Variants in SEMA5B observed in about 807,000 individuals in gnomAD.
SEMA5B encodes semaphorin 5B.
Under a neutral mutation model 135.0 loss-of-function variants are expected in SEMA5B, and 66 were observed. The observed-to-expected ratio is 0.49, with a 90% CI of 0.40 to 0.60. SEMA5B has a LOEUF of 0.60. Among genes scored for constraint, SEMA5B ranks in the 20% least tolerant of loss-of-function variants. SEMA5B has a pLI of 0.00. For synonymous variants in SEMA5B, 690 were observed against 639.5 expected (o/e 1.08, Z -1.19); for missense variants, 1,501 against 1,566.3 (o/e 0.96, Z 0.70).
chr3:123,013,363 G>C (rs2107801283), intron 1 of SEMA5B, among the ~76,000 whole-genome samples: 1 of 152,308 alleles, frequency 6.6e-6, no homozygotes, highest in South Asian at 2.1e-4. Flanking sequence ...CTGGGCTCCA[G>C]CTCGCTAGTC....
At chr3:122,999,736 T>A (rs1177517228) in intron 1 of SEMA5B, among the ~76,000 whole-genome samples, 1 of 152,142 alleles carries the variant, frequency 6.6e-6, no homozygotes, top group East Asian at 1.9e-4. Context: ...ACTGCCAGCA[T>A]CTGGTTCCAC....
At chr3:122,931,897 G>T (rs1051360348) in intron 5 of SEMA5B, among the ~76,000 whole-genome samples, 2 of 152,176 alleles carry the variant, frequency 1.3e-5, no homozygotes, top group East Asian at 3.8e-4. Flanking sequence ...GGACTGAAAC[G>T]TCGAGGGGTT....
rs533753731 is a variant in SEMA5B, at chr3:122,930,727, A to G, written c.475-1669T>C. ...TCAACAGTGGGACAGGCACTGTGCCAGGGACTTGACACACTTTTTCTCTTT... is the reference window on the plus strand; with the variant it reads ...TCAACAGTGGGACAGGCACTGTGCCGGGGACTTGACACACTTTTTCTCTTT... On this transcript the variant is annotated intron_variant, in intron 5 of 22. Transcript: ENST00000357599. Among the ~76,000 whole-genome samples the G allele has an allele frequency of 1.4e-4, 22 of 152,364 alleles. No homozygotes were observed. The East Asian group carries it at 4.2e-3, about 29-fold the overall frequency.
chr3:122,911,475 GT>G lies in SEMA5B; in HGVS notation c.3091+15del. 1 of 1,603,354 alleles carries G rather than the reference GT, an allele frequency of 6.2e-7. No homozygotes were observed. The highest frequency in any genetic ancestry group is 1.7e-4 in the Middle Eastern group (1 of 6,038). ...CTGGGAGGACCGCAGCATGAGGTAG[GT>G]CCGGTTTCTTTTACCTGCACAGTCG... On this transcript the variant is annotated intron_variant, in intron 21 of 22. Coordinates refer to ENST00000357599, the MANE Select transcript of SEMA5B (RefSeq NM_001031702.4).
At chr3:123,002,130 C>G (rs2107761610) in intron 1 of SEMA5B, among the ~76,000 whole-genome samples, 1 of 152,290 alleles carries the variant, frequency 6.6e-6, no homozygotes, top group Non-Finnish European at 1.5e-5. Context: ...CCGGAAAACA[C>G]AAATGAGTGA....
In SEMA5B at chr3:122,932,243, A is replaced by T. The variant is rs1285785611; in HGVS notation, c.475-3185T>A. ...GGTCTTACACATCCCTCTCAATATG[A>T]TTTTTTTTTTTTTTTTTTTTTTTTT... On this transcript the variant is annotated intron_variant, in intron 5 of 22. Transcript: ENST00000357599. 1.6e-3 allele frequency among the ~76,000 whole-genome samples: 133 copies of T among 85,332 alleles called. 1 individual carries two copies. Among genetic ancestry groups the T allele is most frequent in the Admixed American group, 2.4e-3 (16 of 6,740 alleles). The allele number at this position is 85,332 out of a possible 152,430, so 56.0% of individuals were successfully genotyped here.
intron 1 of SEMA5B, among the ~76,000 whole-genome samples, chr3:122,966,651 T>C (rs942922315): frequency 2.7e-5 from 4 of 150,322 alleles, no homozygotes; most frequent in African/African-American, 9.7e-5. Flanking sequence ...GCCTCCTGGG[T>C]TCACGCCATT....
At chr3:122,920,054 C>T (rs1938270967) in intron 12 of SEMA5B, among the ~76,000 whole-genome samples, 1 of 152,234 alleles carries the variant, frequency 6.6e-6, no homozygotes, top group African/African-American at 2.4e-5. Flanking sequence ...ACTAGGCCAC[C>T]TGGACCATCC....
At chr3:123,002,121 C>T (rs1282214734) in intron 1 of SEMA5B, among the ~76,000 whole-genome samples, 1 of 152,070 alleles carries the variant, frequency 6.6e-6, no homozygotes, top group East Asian at 1.9e-4. Flanking sequence ...ACCCAAGTGC[C>T]GGAAAACACA....
At chr3:122,950,761 A>C (rs1203419950) in intron 2 of SEMA5B, among the ~76,000 whole-genome samples, 2 of 152,248 alleles carry the variant, frequency 1.3e-5, no homozygotes, top group Non-Finnish European at 2.9e-5. Context: ...GCACCTGCAC[A>C]TGTGCAAAGT....
intron 1 of SEMA5B, among the ~76,000 whole-genome samples, chr3:123,001,150 G>A (rs1322009963): frequency 6.6e-6 from 1 of 152,194 alleles, no homozygotes; most frequent in African/African-American, 2.4e-5. Flanking sequence ...GCTGTGGGAA[G>A]AGACCATAAA....
At chr3:123,006,781 T>TC (rs1413010114) in intron 1 of SEMA5B, among the ~76,000 whole-genome samples, 5 of 151,470 alleles carry the variant, frequency 3.3e-5, no homozygotes, top group Non-Finnish European at 7.4e-5. Flanking sequence ...CTTACCACCC[T>TC]CCCCCCATCT....
In SEMA5B at chr3:123,025,944, C is replaced by T. The variant is rs1023644995; in HGVS notation, c.-39+1520G>A. ...GGTCCAGTTACAAGGTTCAAGTTCC[C>T]CTCTTGCCCCTTCCTCAAGGTCATC... is the stretch of plus-strand genomic sequence containing the variant. On this transcript the variant is annotated intron_variant, in intron 1 of 22. Transcript: ENST00000357599. Among the ~76,000 whole-genome samples, 10 of 152,300 alleles carry T rather than the reference C, an allele frequency of 6.6e-5. 3 individuals are homozygous for T. The highest frequency in any genetic ancestry group is 5.9e-4 in the Admixed American group (9 of 15,304).
At chr3:123,025,949 T>A (rs1283771909) in intron 1 of SEMA5B, among the ~76,000 whole-genome samples, 1 of 152,192 alleles carries the variant, frequency 6.6e-6, no homozygotes, top group East Asian at 1.9e-4. Flanking sequence ...GTTCCCCTCT[T>A]GCCCCTTCCT....
rs944282349 is a variant in SEMA5B, at chr3:122,949,045, T to G, written c.125-336A>C. Among the ~76,000 whole-genome samples, 43 of 152,298 alleles carry G rather than the reference T, an allele frequency of 2.8e-4. No individual in the cohort carries two copies. The East Asian group carries it at 8.1e-3, about 29-fold the overall frequency. On this transcript the variant is annotated intron_variant, in intron 2 of 22. Transcript: ENST00000357599. ...AGGCCATGGGTAGCTATTTGTAAAA[T>G]GATAAATCTGGATCCATAACTCATA...
intron 1 of SEMA5B, among the ~76,000 whole-genome samples, chr3:123,000,877 G>A (rs74887795): frequency 7.1e-4 from 108 of 152,312 alleles, no homozygotes; most frequent in African/African-American, 2.5e-3. Flanking sequence ...AGACACCTGC[G>A]TACGTGGTCG....
At chr3:123,001,017 C>T (rs1344998603) in intron 1 of SEMA5B, among the ~76,000 whole-genome samples, 1 of 152,120 alleles carries the variant, frequency 6.6e-6, no homozygotes, top group Non-Finnish European at 1.5e-5. Flanking sequence ...CGGCTGATCC[C>T]CAGGAGGCAG....
At chr3:122,990,229 G>C (rs1266488360) in intron 1 of SEMA5B, among the ~76,000 whole-genome samples, 1 of 152,144 alleles carries the variant, frequency 6.6e-6, no homozygotes, top group African/African-American at 2.4e-5. Flanking sequence ...CTCTGCTGAG[G>C]GGGAGGTGGG....
At chr3:122,916,359 G>T (rs1938075458) in intron 12 of SEMA5B, among the ~76,000 whole-genome samples, 1 of 152,126 alleles carries the variant, frequency 6.6e-6, no homozygotes, top group African/African-American at 2.4e-5. Flanking sequence ...CTTACAGATG[G>T]TTCTCAACCC....
Sources: allele counts gnomAD v4.1 joint callset (sites outside exome capture counted in the v4.1 genomes callset), GRCh38; gene constraint gnomAD v4.1.1; transcripts MANE v1.5; gene names NCBI Gene and HGNC (gene_info 2026-07-23, HGNC 2026-07-21).